The following TCF3 variants were observed in gnomAD, a reference collection of about 807,000 sequenced individuals.
TCF3 encodes transcription factor 3, also known as transcription factor E2-alpha.
A neutral mutation model predicts 72.3 loss-of-function variants in TCF3; 54 were observed. That is an observed-to-expected ratio of 0.75 (90% confidence interval 0.60 to 0.94). The LOEUF (loss-of-function observed/expected upper bound fraction) is 0.94, where lower values mean the gene tolerates loss of function less well. Among genes scored for constraint, TCF3 ranks in the 40% least tolerant of loss-of-function variants. The probability of loss-of-function intolerance (pLI) is 0.00; values close to 1 mark genes in which losing one functional copy is unlikely to be tolerated. For synonymous variants in TCF3, 525 were observed against 412.6 expected (o/e 1.27, Z -3.30); for missense variants, 1,078 against 934.4 (o/e 1.15, Z -2.00).
chr19:1,626,066 T>C (rs545214530), intron 6 of TCF3, among the ~76,000 whole-genome samples: 26 of 152,172 alleles, frequency 1.7e-4, no homozygotes, highest in Admixed American at 6.5e-4. Flanking sequence ...AAGCCCTCGG[T>C]TGGATTCTGT....
Position 1,632,130 on chromosome 19 carries a change from G to A in TCF3, c.220-14C>T. Reference sequence around the variant, plus strand: ...CTCGCTGAAGGTCTAGGGGAGATGGGGTGGGGATGAGAGGTGCTGGGGCTT... The same window carrying A: ...CTCGCTGAAGGTCTAGGGGAGATGGAGTGGGGATGAGAGGTGCTGGGGCTT... On this transcript the variant is annotated splice_polypyrimidine_tract_variant and intron_variant, in intron 4 of 18. Transcript: ENST00000262965. The A allele has an allele frequency of 6.2e-7, 1 of 1,611,422 alleles. No homozygotes were observed. The highest frequency in any genetic ancestry group is 8.5e-7 in the Non-Finnish European group (1 of 1,178,926).
In TCF3 at chr19:1,622,360, G is replaced by A; in HGVS notation, c.605C>T (p.Ser202Phe). ...DYGRDATAYP[S>F]AKTPSSTYPA... ...ATAGGTGCTGCTGGGGGTCTTGGCG[G>A]ACGGGTAGGCGGTGGCATCCCTGCC... The change falls in exon 9 of 19, where the codon TCC becomes TTC. Residue 202 changes from serine (S) to phenylalanine (F), a missense_variant. Ser to Phe is a radical substitution (Grantham distance 155). Coordinates refer to ENST00000262965, the MANE Select transcript of TCF3 (RefSeq NM_003200.5). The A allele has an allele frequency of 6.5e-7, 1 of 1,531,220 alleles. No individual in the cohort carries two copies. The highest frequency in any genetic ancestry group is 8.8e-7 in the Non-Finnish European group (1 of 1,140,152). The allele number at this position is 1,531,220 out of a possible 1,614,324, so 94.9% of individuals were successfully genotyped here.
intron 18 of TCF3, chr19:1,612,144 G>A (rs1462409733): frequency 6.8e-6 from 10 of 1,475,568 alleles, no homozygotes; most frequent in Admixed American, 2.3e-5. Flanking sequence ...GAGGACCCCA[G>A]CATCTGCACC....
At chr19:1,626,949 T>C (rs1038893479) in intron 6 of TCF3, among the ~76,000 whole-genome samples, 1 of 152,076 alleles carries the variant, frequency 6.6e-6, no homozygotes, top group Non-Finnish European at 1.5e-5. Context: ...GGGACCCCTG[T>C]GGCTGGTCAC....
At chr19:1,647,771 T>C (rs1468175555) in intron 2 of TCF3, among the ~76,000 whole-genome samples, 2 of 152,198 alleles carry the variant, frequency 1.3e-5, no homozygotes, top group Admixed American at 6.5e-5. Flanking sequence ...ACAGGTCACA[T>C]GGGTACCGGG....
At chr19:1,631,853 G>A (rs1422909732) in intron 5 of TCF3, 185 bp downstream of exon 5, 1 of 1,464,806 alleles carries the variant, frequency 6.8e-7, no homozygotes, top group Non-Finnish European at 9.2e-7. Context: ...CCGTGCCAGG[G>A]AGTCCGGGCC....
chr19:1,619,129 G>A lies in TCF3; in HGVS notation c.1432C>T (p.Pro478Ser), dbSNP rs777728226. 1.1e-5 allele frequency: 17 copies of A among 1,599,624 alleles called. No homozygotes were observed. The highest frequency in any genetic ancestry group is 8.9e-5 in the East Asian group (4 of 44,880). Residue 478 changes from proline to serine, a missense_variant, in exon 16 of 19, where the codon CCT becomes TCT. By Grantham distance (74) the Pro-to-Ser change is moderately conservative. Coordinates refer to ENST00000262965, the MANE Select transcript of TCF3 (RefSeq NM_003200.5). Reference sequence around the variant, plus strand: ...GGCTTACCACTGTAGGAGTCGGGAGGCCGAGACAGGTCAGGGAGGGTGCCT... The same window carrying A: ...GGCTTACCACTGTAGGAGTCGGGAGACCGAGACAGGTCAGGGAGGGTGCCT... ...QPGTLPDLSR[P>S]PDSYSGLGRA...
chr19:1,642,247 C>G (rs986994467), intron 3 of TCF3, among the ~76,000 whole-genome samples: 6 of 151,514 alleles, frequency 4.0e-5, no homozygotes, highest in African/African-American at 7.3e-5. Flanking sequence ...CGCAGACGCA[C>G]ACACACGTGC....
intron 11 of TCF3, 96 bp from the exon 12 acceptor site, chr19:1,621,287 C>A: frequency 7.2e-7 from 1 of 1,396,252 alleles, no homozygotes; most frequent in South Asian, 1.3e-5. Flanking sequence ...ACAGACACTG[C>A]TGCGCCAGGG....
chr19:1,620,112 G>A (rs1029625139), intron 13 of TCF3, among the ~76,000 whole-genome samples: 6 of 152,168 alleles, frequency 3.9e-5, no homozygotes, highest in African/African-American at 1.4e-4. Context: ...CCACTCAGAG[G>A]ATAAAGTGGC....
At chr19:1,623,544 C>T (rs772901722) in intron 8 of TCF3, among the ~76,000 whole-genome samples, 12 of 152,022 alleles carry the variant, frequency 7.9e-5, no homozygotes, top group Admixed American at 3.9e-4. Context: ...CCACCACGCC[C>T]GGCTGATTTT....
Position 1,611,379 on chromosome 19 carries a change from A to G in TCF3, c.*328T>C. ...TTTCAGGTTTTGTTTACTGGAAAAAAAAAAAATGCTCCTGTCAGCCCAGGC... is the reference window on the plus strand; with the variant it reads ...TTTCAGGTTTTGTTTACTGGAAAAAGAAAAAATGCTCCTGTCAGCCCAGGC... On this transcript the variant is annotated 3_prime_UTR_variant, in exon 19 of 19. Coordinates refer to ENST00000262965, the MANE Select transcript of TCF3 (RefSeq NM_003200.5). The G allele has an allele frequency of 2.5e-6, 1 of 401,052 alleles. No homozygotes were observed. The highest frequency in any genetic ancestry group is 4.4e-6 in the Non-Finnish European group (1 of 227,760). 24.8% of individuals were successfully genotyped at this position (401,052 alleles called of 1,614,324 possible).
intron 5 of TCF3, 156 bp downstream of exon 5, chr19:1,631,882 C>T (rs995854037): frequency 1.2e-5 from 19 of 1,521,050 alleles, no homozygotes; most frequent in Admixed American, 3.9e-5. Context: ...TGCACCTCCC[C>T]GCAGCTGCTC....
chr19:1,613,648 C>T (rs772361368), intron 18 of TCF3, among the ~76,000 whole-genome samples: 3 of 152,130 alleles, frequency 2.0e-5, no homozygotes, highest in Non-Finnish European at 2.9e-5. Flanking sequence ...TCCAAAAACC[C>T]GGGACTGGGG....
intron 10 of TCF3, 40 bp downstream of exon 10, chr19:1,622,014 C>T (rs1248689805): frequency 6.3e-7 from 1 of 1,594,790 alleles, no homozygotes. Flanking sequence ...TGGGCACTGC[C>T]ACCCTCCGCC....
intron 2 of TCF3, among the ~76,000 whole-genome samples, chr19:1,647,711 C>A (rs996312499): frequency 6.6e-6 from 1 of 152,216 alleles, no homozygotes; most frequent in African/African-American, 2.4e-5. Context: ...CAGCCAACTG[C>A]ATTTCTATCT....
At chr19:1,638,289 A>G (rs1174928590) in intron 3 of TCF3, among the ~76,000 whole-genome samples, 5 of 152,262 alleles carry the variant, frequency 3.3e-5, no homozygotes, top group Non-Finnish European at 7.3e-5. Flanking sequence ...AGTAAGTAGC[A>G]AAGTCACTAT....
At chr19:1,643,362 A>T (rs559965169) in intron 3 of TCF3, among the ~76,000 whole-genome samples, 40 of 152,264 alleles carry the variant, frequency 2.6e-4, no homozygotes, top group African/African-American at 9.1e-4. Flanking sequence ...CTGGGACCCC[A>T]AGTGTGCGCC....
Position 1,638,160 on chromosome 19 carries a change from T to C in TCF3, c.146-5755A>G, listed in dbSNP as rs567403033. ...AGACAGGCACACAAGGAAAGCCCTC[T>C]GGGGGCACTTTGTGAGTTCTCTCTC... On this transcript the variant is annotated intron_variant, in intron 3 of 18. Transcript: ENST00000262965. 1.6e-4 allele frequency among the ~76,000 whole-genome samples: 24 copies of C among 152,330 alleles called. No individual in the cohort carries two copies. In the South Asian group the frequency reaches 2.9e-3, roughly 18 times the overall value.
Sources: gnomAD v4.1 joint callset for allele counts (sites outside exome capture counted in the v4.1 genomes callset) on GRCh38, gnomAD v4.1.1 for gene constraint, MANE v1.5 for transcripts, NCBI Gene and HGNC (gene_info 2026-07-23, HGNC 2026-07-21) for gene names.